Variants in ROBO2 observed in about 807,000 individuals in gnomAD.
ROBO2 encodes the protein roundabout guidance receptor 2, also known as roundabout homolog 2.
A neutral mutation model predicts 160.8 loss-of-function variants in ROBO2; 53 were observed. The ratio of observed to expected loss-of-function variants is 0.33; its 90% CI spans 0.26 to 0.41. The LOEUF (loss-of-function observed/expected upper bound fraction) is 0.41, where lower values mean the gene tolerates loss of function less well. Ranked by LOEUF, ROBO2 falls within the 10% of genes least tolerant of loss-of-function variation. The pLI is 1.00. For synonymous variants in ROBO2, 664 were observed against 611.7 expected (o/e 1.09, Z -1.26); for missense variants, 1,577 against 1,722.4 (o/e 0.92, Z 1.49).
intron 2 of ROBO2, among the ~76,000 whole-genome samples, chr3:77,425,729 A>C (rs1463146634): frequency 6.7e-6 from 1 of 149,330 alleles, no homozygotes; most frequent in Non-Finnish European, 1.5e-5. Flanking sequence ...CAGTGGCATG[A>C]TCTCGGCTCA....
chr3:76,442,836 A>C (rs925747768), intron 2 of ROBO2, among the ~76,000 whole-genome samples: 2 of 152,110 alleles, frequency 1.3e-5, no homozygotes, highest in East Asian at 1.9e-4. Context: ...TTAATTAATA[A>C]TACTTTACTA....
At chr3:76,788,217 T>G (rs2063123907) in intron 2 of ROBO2, among the ~76,000 whole-genome samples, 1 of 151,366 alleles carries the variant, frequency 6.6e-6, no homozygotes, top group African/African-American at 2.4e-5. Flanking sequence ...AAAAATAGAC[T>G]TTGGACAAAA....
intron 2 of ROBO2, among the ~76,000 whole-genome samples, chr3:76,974,508 G>A (rs1344612802): frequency 6.6e-6 from 1 of 152,112 alleles, no homozygotes; most frequent in Non-Finnish European, 1.5e-5. Flanking sequence ...TACCTAGCAA[G>A]GTGATCACCC....
intron 2 of ROBO2, among the ~76,000 whole-genome samples, chr3:76,391,466 T>A (rs72898519): frequency 0.046 from 7,066 of 152,244 alleles, 465 homozygotes; most frequent in African/African-American, 0.14. Flanking sequence ...ACAAATTGTA[T>A]GTTATCTCCA....
chr3:76,379,376 A>G (rs2076509362), intron 2 of ROBO2, among the ~76,000 whole-genome samples: 1 of 152,144 alleles, frequency 6.6e-6, no homozygotes, highest in Non-Finnish European at 1.5e-5. Context: ...TTTTTAACAT[A>G]AAAAATAGCT....
chr3:77,053,157 G>A (rs560179862), intron 1 of ROBO2, among the ~76,000 whole-genome samples: 1 of 152,270 alleles, frequency 6.6e-6, no homozygotes, highest in East Asian at 1.9e-4. Context: ...TGCATAGTTA[G>A]AAAAGCTTCT....
At chr3:77,059,464 A>G (rs1361280794) in intron 1 of ROBO2, among the ~76,000 whole-genome samples, 2 of 152,222 alleles carry the variant, frequency 1.3e-5, no homozygotes, top group Non-Finnish European at 2.9e-5. Context: ...TGAGAAGGGC[A>G]AGAGGGGAAT....
chr3:76,939,482 A>C (rs1188615741), intron 2 of ROBO2, among the ~76,000 whole-genome samples: 2 of 152,116 alleles, frequency 1.3e-5, no homozygotes, highest in Non-Finnish European at 2.9e-5. Context: ...TGTGAACAAA[A>C]AGCAGAGGTT....
intron 2 of ROBO2, among the ~76,000 whole-genome samples, chr3:76,331,865 G>T (rs895950778): frequency 6.6e-6 from 1 of 151,802 alleles, no homozygotes; most frequent in African/African-American, 2.4e-5. Context: ...TGTATTTTTA[G>T]TAGAGACGGA....
rs973542226 is a variant in ROBO2 at position 76,080,806 on chromosome 3, A to G, written c.109+143204A>G. On this transcript the variant is annotated intron_variant, in intron 2 of 26. Transcript: ENST00000487694. ...ATATGAGTCTTTATGCAAACAAAGA[A>G]GAGAAAATAGATCATCTTTTTCTTT... Among the ~76,000 whole-genome samples the G allele has an allele frequency of 3.3e-5, 5 of 152,354 alleles. No individual in the cohort carries two copies. The East Asian group carries it at 5.8e-4, about 18-fold the overall frequency.
chr3:76,294,420 T>G (rs1456309339), intron 2 of ROBO2, among the ~76,000 whole-genome samples: 1 of 152,146 alleles, frequency 6.6e-6, no homozygotes, highest in African/African-American at 2.4e-5. Flanking sequence ...GGTGAACCTG[T>G]TTAATAGAGC....
At chr3:76,872,101 A>G (rs2072162754) in intron 2 of ROBO2, among the ~76,000 whole-genome samples, 1 of 152,184 alleles carries the variant, frequency 6.6e-6, no homozygotes, top group Admixed American at 6.6e-5. Context: ...CTTTTATTCT[A>G]CAAAGATGAT....
chr3:76,257,158 G>A (rs1411760928), intron 2 of ROBO2, among the ~76,000 whole-genome samples: 1 of 152,002 alleles, frequency 6.6e-6, no homozygotes, highest in East Asian at 1.9e-4. Flanking sequence ...CAACATTAGG[G>A]ATTACAACTC....
At chr3:76,546,162 A>G (rs972907569) in intron 2 of ROBO2, among the ~76,000 whole-genome samples, 2 of 151,946 alleles carry the variant, frequency 1.3e-5, no homozygotes, top group South Asian at 2.1e-4. Context: ...GTGCAAAGCT[A>G]TAAACAGTAT....
intron 2 of ROBO2, among the ~76,000 whole-genome samples, chr3:76,526,246 AC>A (rs1383886944): frequency 6.6e-6 from 1 of 152,060 alleles, no homozygotes; most frequent in East Asian, 1.9e-4. Context: ...CATAAGACTT[AC>A]AGTTCTCATG....
At chr3:76,329,972 A>G (rs755276485) in intron 2 of ROBO2, among the ~76,000 whole-genome samples, 1 of 152,232 alleles carries the variant, frequency 6.6e-6, no homozygotes. Context: ...TTCATAATGC[A>G]AAATGTGTAA....
At position 77,580,034 on chromosome 3, in the gene ROBO2, C is replaced by A; in HGVS notation, c.2416C>A (p.Pro806Thr). Reference sequence around the variant, plus strand: ...GTCCGTAATAATTGGTGGATTATTCCCAGGTATTCAATACCGGGTAGAGGT... The same window carrying A: ...GTCCGTAATAATTGGTGGATTATTCACAGGTATTCAATACCGGGTAGAGGT... Residue 806 changes from proline (P) to threonine (T), a missense_variant, in exon 16 of 26, where the codon CCA becomes ACA. Pro to Thr is a conservative substitution (Grantham distance 38). Coordinates refer to ENST00000461745, the Ensembl canonical transcript of ROBO2. The A allele has an allele frequency of 1.2e-6, 2 of 1,613,740 alleles. No homozygotes were observed. Among genetic ancestry groups the A allele is most frequent in the Non-Finnish European group, 8.5e-7 (1 of 1,179,804 alleles).
At chr3:76,562,430 A>G (rs939920617) in intron 2 of ROBO2, among the ~76,000 whole-genome samples, 2 of 125,780 alleles carry the variant, frequency 1.6e-5, no homozygotes, top group East Asian at 2.5e-4. Flanking sequence ...CATGCATCTT[A>G]TAAGATTGAT....
Position 77,518,658 on chromosome 3 carries a change from TC to T in ROBO2, c.807-4113del, listed in dbSNP as rs2090278816. On this transcript the variant is annotated intron_variant, in intron 5 of 25. Coordinates refer to ENST00000461745, the Ensembl canonical transcript of ROBO2. Reference sequence around the variant, plus strand: ...GCTCTGAATCCTATCAAGTTGTGTATCCCCAAATTTTGGTGCAATGCGTAGA... The same window carrying T: ...GCTCTGAATCCTATCAAGTTGTGTATCCCAAATTTTGGTGCAATGCGTAGA... 2.0e-5 allele frequency among the ~76,000 whole-genome samples: 3 copies of T among 151,468 alleles called. No individual in the cohort carries two copies. In the South Asian group the frequency reaches 6.2e-4, roughly 31 times the overall value.
Sources: gnomAD v4.1 joint callset for allele counts (sites outside exome capture counted in the v4.1 genomes callset) on GRCh38, gnomAD v4.1.1 for gene constraint, MANE v1.5 for transcripts, NCBI Gene and HGNC (gene_info 2026-07-23, HGNC 2026-07-21) for gene names.